The following CDHR3 variants were observed in gnomAD, a reference collection of about 807,000 sequenced individuals.
CDHR3 encodes cadherin-related family member 3.
Under a neutral mutation model 86.6 loss-of-function variants are expected in CDHR3, and 79 were observed. The observed-to-expected ratio is 0.91, with a 90% CI of 0.76 to 1.10. The LOEUF (loss-of-function observed/expected upper bound fraction) is 1.10, where lower values mean the gene tolerates loss of function less well. Among genes scored for constraint, CDHR3 ranks in the 50% least tolerant of loss-of-function variants. CDHR3 has a pLI of 0.00. For synonymous variants in CDHR3, 421 were observed against 402.4 expected (o/e 1.05, Z -0.55); for missense variants, 1,081 against 1,077.6 (o/e 1.00, Z -0.04).
At chr7:105,997,483 C>A (rs901719665) in intron 6 of CDHR3, among the ~76,000 whole-genome samples, 1 of 152,214 alleles carries the variant, frequency 6.6e-6, no homozygotes, top group Non-Finnish European at 1.5e-5. Flanking sequence ...GAGCTCAGTG[C>A]CTTTGGGCTG....
chr7:105,994,397 A>G (rs1163697140), intron 4 of CDHR3, among the ~76,000 whole-genome samples: 4 of 152,172 alleles, frequency 2.6e-5, no homozygotes, highest in African/African-American at 2.4e-5. Flanking sequence ...AAGCCAAGGC[A>G]TAGAATCAAA....
chr7:106,018,967 G>A (rs1021008154), intron 12 of CDHR3, among the ~76,000 whole-genome samples: 1 of 152,278 alleles, frequency 6.6e-6, no homozygotes, highest in Admixed American at 6.5e-5. Context: ...CACACCTCGA[G>A]TTGCAGGGAC....
At chr7:105,966,537 T>C (rs2528886) in intron 1 of CDHR3, among the ~76,000 whole-genome samples, 38,762 of 152,196 alleles carry the variant, frequency 0.25, 5,658 homozygotes, top group East Asian at 0.68. Context: ...TGCTTCTTAA[T>C]GCTCTCATCA....
At chr7:105,996,397 T>A (rs1188768258) in intron 6 of CDHR3, 43 bp downstream of exon 6, 2 of 1,199,768 alleles carry the variant, frequency 1.7e-6, no homozygotes, top group African/African-American at 3.0e-5. Context: ...CGCAGGTGCG[T>A]CCTTCTTAGG....
At chr7:106,028,916 TTTTCTTTCTTTCTTTC>T (rs1167671014) in intron 17 of CDHR3, among the ~76,000 whole-genome samples, 876 of 83,042 alleles carry the variant, frequency 0.011, 8 homozygotes, top group South Asian at 0.017. Context: ...GAGATTTAAA[TTTTCTTTCTTTCTTTC>T]TTTCTTTCTT....
chr7:105,988,435 T>A (rs1830846178), intron 4 of CDHR3, among the ~76,000 whole-genome samples: 1 of 152,216 alleles, frequency 6.6e-6, no homozygotes, highest in Non-Finnish European at 1.5e-5. Flanking sequence ...TTTGTGTCTG[T>A]CATCTTAACC....
chr7:106,034,280 C>T lies in CDHR3; in HGVS notation c.*1583C>T, dbSNP rs74446069. The stretch of plus-strand genomic sequence containing the variant: ...TCACTCGAGCTCTATGCCCTGCTGC[C>T]CAGCTGCTGCGACCCTAGTCCAGTA... On this transcript the variant is annotated 3_prime_UTR_variant, in exon 19 of 19. Transcript: ENST00000317716. Among the ~76,000 whole-genome samples, 16,005 of 152,200 alleles carry T rather than the reference C, an allele frequency of 0.11. 1,079 individuals carry two copies. The highest frequency in any genetic ancestry group is 0.18 in the Middle Eastern group (52 of 294).
chr7:105,984,837 T>C (rs1343624022), intron 4 of CDHR3, among the ~76,000 whole-genome samples: 1 of 152,090 alleles, frequency 6.6e-6, no homozygotes, highest in Non-Finnish European at 1.5e-5. Context: ...GATAGGAGGA[T>C]GGCTTGAACC....
At position 106,035,082 on chromosome 7, in the gene CDHR3, GAAA is replaced by G. The variant is rs56076993; in HGVS notation, c.*2399_*2401del. Among the ~76,000 whole-genome samples the G allele has an allele frequency of 2.8e-3, 387 of 136,768 alleles. 2 individuals are homozygous for G. The highest frequency in any genetic ancestry group is 0.015 in the Middle Eastern group (4 of 264). 89.7% of individuals were successfully genotyped at this position (136,768 alleles called of 152,430 possible). A position where few individuals can be genotyped will look rare whatever the true frequency, so the allele number is the denominator to read the frequency against. On this transcript the variant is annotated 3_prime_UTR_variant, in exon 19 of 19. Coordinates refer to ENST00000317716, the MANE Select transcript of CDHR3 (RefSeq NM_152750.5). ...TGACAAGGGCAAAACTCTGTGTCAA[GAAA>G]AAAAAAAAAAAAAGAATAATTAAAA...
chr7:106,031,201 C>A (rs1838301263), intron 18 of CDHR3, among the ~76,000 whole-genome samples: 2 of 151,228 alleles, frequency 1.3e-5, no homozygotes, highest in African/African-American at 4.9e-5. Flanking sequence ...GTACTGATTG[C>A]CCCCCCCAGC....
chr7:105,974,186 G>A lies in CDHR3; in HGVS notation c.47-658G>A, dbSNP rs148717692. Among the ~76,000 whole-genome samples, 1,432 of 152,296 alleles carry A rather than the reference G, an allele frequency of 9.4e-3. 8 individuals carry two copies. The highest frequency in any genetic ancestry group is 0.014 in the Non-Finnish European group (963 of 68,018). The stretch of plus-strand genomic sequence containing the variant: ...AAATTGTAAAATTCCCTGCCTGTAA[G>A]GCAGCCCAAGGCAATTCACATGCCA... On this transcript the variant is annotated intron_variant, in intron 1 of 18. Coordinates refer to ENST00000317716, the MANE Select transcript of CDHR3 (RefSeq NM_152750.5).
intron 1 of CDHR3, among the ~76,000 whole-genome samples, chr7:105,966,568 C>G (rs1330245976): frequency 6.6e-6 from 1 of 152,192 alleles, no homozygotes; most frequent in African/African-American, 2.4e-5. Context: ...CTGGAAGATG[C>G]AATCCATTTC....
chr7:106,024,057 CG>C (rs1357706038), intron 14 of CDHR3, among the ~76,000 whole-genome samples: 1 of 151,888 alleles, frequency 6.6e-6, no homozygotes, highest in African/African-American at 2.4e-5. Context: ...TGGCTATATT[CG>C]TCCCTGGGTT....
At chr7:106,015,297 C>CTA in intron 10 of CDHR3, 84 bp downstream of exon 10, 1 of 1,203,338 alleles carries the variant, frequency 8.3e-7, no homozygotes, top group South Asian at 1.3e-5. Flanking sequence ...AGGTATTGTG[C>CTA]TAGGTCCCCC....
At chr7:105,978,744 G>C (rs1829197241) in intron 2 of CDHR3, among the ~76,000 whole-genome samples, 1 of 152,162 alleles carries the variant, frequency 6.6e-6, no homozygotes. Flanking sequence ...TTTTCCATTT[G>C]TGTTGAGAGC....
Position 106,004,524 on chromosome 7 carries a change from A to G in CDHR3, c.889A>G (p.Arg297Gly). The G allele has an allele frequency of 6.2e-7, 1 of 1,614,026 alleles. No homozygotes were observed. The highest frequency in any genetic ancestry group is 8.5e-7 in the Non-Finnish European group (1 of 1,179,884). The change falls in exon 8 of 19, where the codon AGG (arginine) becomes GGG (glycine). Residue 297 changes from arginine to glycine, a missense_variant. Physicochemically the swap from Arg to Gly is moderately radical, Grantham distance 125 (BLOSUM62 -2). Coordinates refer to ENST00000317716, the MANE Select transcript of CDHR3 (RefSeq NM_152750.5). ...GACTGGTACAATCCAAGTGGCCCAA[A>G]GGATAGACCGAGATGCAGGTGAATT... Reference protein sequence around the residue: ...QLTGTIQVAQRIDRDAGELRQ... With the variant: ...QLTGTIQVAQGIDRDAGELRQ...
intron 8 of CDHR3, chr7:106,004,959 C>A (rs1021754259): frequency 2.5e-5 from 11 of 438,150 alleles, no homozygotes; most frequent in Non-Finnish European, 3.7e-5. Context: ...CTATATCTGG[C>A]TCATCTCTGT....
At chr7:105,965,627 C>T (rs1826807265) in intron 1 of CDHR3, among the ~76,000 whole-genome samples, 1 of 135,304 alleles carries the variant, frequency 7.4e-6, no homozygotes, top group Non-Finnish European at 1.5e-5. Context: ...CCTGCTGTTG[C>T]ACCCTGGAGC....
intron 17 of CDHR3, among the ~76,000 whole-genome samples, chr7:106,029,546 C>G (rs443772): frequency 0.28 from 39,363 of 138,122 alleles, 5,909 homozygotes; most frequent in Non-Finnish European, 0.37. Flanking sequence ...TCCTCCACCT[C>G]TGTCTCTCTC....
Sources: allele counts gnomAD v4.1 joint callset (sites outside exome capture counted in the v4.1 genomes callset), GRCh38; gene constraint gnomAD v4.1.1; transcripts MANE v1.5; gene names NCBI Gene and HGNC (gene_info 2026-07-23, HGNC 2026-07-21).